Variants in KAT2B observed in about 807,000 individuals in gnomAD.
KAT2B encodes lysine acetyltransferase 2B.
A neutral mutation model predicts 105.9 loss-of-function variants in KAT2B; 36 were observed. The observed-to-expected ratio is 0.34, with a 90% CI of 0.26 to 0.45. The LOEUF (loss-of-function observed/expected upper bound fraction) is 0.45. KAT2B is among the 20% of genes least tolerant of loss of function. KAT2B has a pLI of 1.00. For missense variants in KAT2B, 820 were observed against 1,021.6 expected, an observed-to-expected ratio of 0.80 and a Z score of 2.69; for synonymous variants, 397 against 377.9, an observed-to-expected ratio of 1.05 and a Z score of -0.59.
intron 2 of KAT2B, among the ~76,000 whole-genome samples, chr3:20,081,914 CAT>C (rs145138566): frequency 2.7e-4 from 35 of 131,576 alleles, no homozygotes; most frequent in East Asian, 6.6e-4. Flanking sequence ...TAGAGAGTCT[CAT>C]ATATATATAT....
At chr3:20,074,844 TA>T (rs1698389392) in intron 2 of KAT2B, among the ~76,000 whole-genome samples, 1 of 152,196 alleles carries the variant, frequency 6.6e-6, no homozygotes, top group Non-Finnish European at 1.5e-5. Flanking sequence ...TTGTGCCTGT[TA>T]TGTGTTTAAC....
At chr3:20,047,484 C>G (rs568835384) in intron 1 of KAT2B, among the ~76,000 whole-genome samples, 3 of 152,070 alleles carry the variant, frequency 2.0e-5, no homozygotes, top group Non-Finnish European at 4.4e-5. Context: ...ATTTATAGAT[C>G]ATAAAACTTG....
intron 8 of KAT2B, among the ~76,000 whole-genome samples, chr3:20,122,253 A>G (rs1559323024): frequency 6.6e-6 from 1 of 152,220 alleles, no homozygotes; most frequent in Non-Finnish European, 1.5e-5. Flanking sequence ...GCACATTTAC[A>G]AAAGATTGGT....
chr3:20,061,891 G>GTATTATA (rs1318097418), intron 1 of KAT2B, among the ~76,000 whole-genome samples: 1 of 106,744 alleles, frequency 9.4e-6, no homozygotes, highest in Non-Finnish European at 1.8e-5. Flanking sequence ...TATAAAATAT[G>GTATTATA]TATTATATAT....
chr3:20,051,941 G>T (rs779267982), intron 1 of KAT2B, among the ~76,000 whole-genome samples: 1 of 152,234 alleles, frequency 6.6e-6, no homozygotes, highest in Non-Finnish European at 1.5e-5. Flanking sequence ...TCCATGGGCT[G>T]CTTTGGAAGA....
At chr3:20,143,599 G>A (rs1014008361) in intron 13 of KAT2B, among the ~76,000 whole-genome samples, 3 of 152,018 alleles carry the variant, frequency 2.0e-5, no homozygotes, top group Non-Finnish European at 2.9e-5. Flanking sequence ...TCATTGCAGC[G>A]CTATTCACAA....
Position 20,119,720 on chromosome 3 carries a change from C to T in KAT2B, c.1273C>T (p.Pro425Ser), listed in dbSNP as rs555428888. 2 of 1,613,804 alleles carry T rather than the reference C, an allele frequency of 1.2e-6. No homozygotes were observed. The highest frequency in any genetic ancestry group is 2.7e-5 in the African/African-American group (2 of 74,890). Residue 425 changes from proline to serine, a missense_variant, in exon 8 of 18, where the codon CCA becomes TCA. Coordinates refer to ENST00000263754, the MANE Select transcript of KAT2B (RefSeq NM_003884.5). ...CKASSGLEAN[P>S]GEKRKMTDSH... is the part of the protein sequence containing the mutation. ...AGCCTCTTCTGGACTTGAGGCAAAC[C>T]CAGGTAAGCTCTTAAGAGGGGATAA...
chr3:20,139,360 T>C (rs1207763909), intron 12 of KAT2B, among the ~76,000 whole-genome samples: 1 of 152,202 alleles, frequency 6.6e-6, no homozygotes, highest in African/African-American at 2.4e-5. Context: ...GAGAACTTAA[T>C]TGGATTGTTT....
chr3:20,059,631 G>C (rs1698065119), intron 1 of KAT2B, among the ~76,000 whole-genome samples: 2 of 152,080 alleles, frequency 1.3e-5, no homozygotes, highest in African/African-American at 4.8e-5. Context: ...CGTGAACCTG[G>C]GAGGTGGAGC....
At chr3:20,092,235 A>ATTTATTTATTTATTT (rs1553588257) in intron 2 of KAT2B, among the ~76,000 whole-genome samples, 40 of 103,704 alleles carry the variant, frequency 3.9e-4, no homozygotes, top group Admixed American at 1.8e-3. Flanking sequence ...TTATTTATTT[A>ATTTATTTATTTATTT]TTTATTTATT....
intron 1 of KAT2B, among the ~76,000 whole-genome samples, chr3:20,063,534 CTTTTTTTTTTTTTTTT>C (rs36058009): frequency 4.7e-4 from 42 of 88,820 alleles, no homozygotes; most frequent in Non-Finnish European, 4.2e-4. Context: ...GAGTAGGCCT[CTTTTTTTTTTTTTTTT>C]TTTTTTTTTT....
chr3:20,140,830 C>A (rs1699684024), intron 13 of KAT2B, among the ~76,000 whole-genome samples: 1 of 152,132 alleles, frequency 6.6e-6, no homozygotes, highest in East Asian at 1.9e-4. Flanking sequence ...TGTTTCCTTT[C>A]TCGGTTACCA....
Position 20,062,704 on chromosome 3 carries a change from C to T in KAT2B, c.304-9629C>T, listed in dbSNP as rs370378388. On this transcript the variant is annotated intron_variant, in intron 1 of 17. Transcript: ENST00000263754. ...CTTGCATTCCTGAGCTCAGGTGATC[C>T]ACCTGCCTCAGCCTCTCAAAGTATT... 2.6e-4 allele frequency among the ~76,000 whole-genome samples: 40 copies of T among 151,918 alleles called. No individual in the cohort carries two copies. The South Asian group carries it at 8.1e-3, about 31-fold the overall frequency.
intron 1 of KAT2B, among the ~76,000 whole-genome samples, chr3:20,042,638 C>G (rs62243074): frequency 0.13 from 20,167 of 152,236 alleles, 1,798 homozygotes; most frequent in Non-Finnish European, 0.19. Flanking sequence ...TGTTTCTGTT[C>G]TGGCTTTATT....
intron 1 of KAT2B, among the ~76,000 whole-genome samples, chr3:20,054,571 C>G (rs751362933): frequency 1.3e-5 from 2 of 152,230 alleles, no homozygotes; most frequent in Non-Finnish European, 2.9e-5. Flanking sequence ...AAATTCCATG[C>G]CATCCTAATC....
intron 13 of KAT2B, among the ~76,000 whole-genome samples, chr3:20,144,506 G>T (rs571169228): frequency 6.6e-6 from 1 of 151,458 alleles, no homozygotes; most frequent in South Asian, 2.1e-4. Flanking sequence ...AGCCAGGATG[G>T]TCTCGATCTC....
intron 2 of KAT2B, among the ~76,000 whole-genome samples, chr3:20,077,691 T>C (rs1400296388): frequency 6.6e-6 from 1 of 152,248 alleles, no homozygotes; most frequent in African/African-American, 2.4e-5. Flanking sequence ...AATCACATTG[T>C]ATTTCTATTG....
rs142346189 is a variant in KAT2B, at chr3:20,111,907, G to A, written c.1043+120G>A. 145 of 757,236 alleles carry A rather than the reference G, an allele frequency of 1.9e-4. 1 individual carries two copies. In the African/African-American group the frequency reaches 2.4e-3, roughly 13 times the overall value. 46.9% of individuals were successfully genotyped at this position (757,236 alleles called of 1,614,324 possible). A position where few individuals can be genotyped will look rare whatever the true frequency, so the allele number is the denominator to read the frequency against. ...GACAGAAGAAACATTCCAAGGGGAT[G>A]GGAGAAAAGACCCTCAGTTCCCTTT... On this transcript the variant is annotated intron_variant, in intron 6 of 17. Transcript: ENST00000263754.
rs1224370027 is a variant in KAT2B at position 20,119,526 on chromosome 3, G to A, written c.1151-72G>A. ...TTGGGCAGGAGTGGGGTGGTCCCATGTGCACTTCGTTTCTTGTTACCTAAG... is the reference window on the plus strand; with the variant it reads ...TTGGGCAGGAGTGGGGTGGTCCCATATGCACTTCGTTTCTTGTTACCTAAG... On this transcript the variant is annotated intron_variant, in intron 7 of 17. Transcript: ENST00000263754. The A allele has an allele frequency of 3.1e-5, 48 of 1,555,154 alleles. 2 individuals carry two copies. In the South Asian group the frequency reaches 3.7e-4, roughly 12 times the overall value.
Sources: gnomAD v4.1 joint callset for allele counts (sites outside exome capture counted in the v4.1 genomes callset) on GRCh38, gnomAD v4.1.1 for gene constraint, MANE v1.5 for transcripts, NCBI Gene and HGNC (gene_info 2026-07-23, HGNC 2026-07-21) for gene names.